MAP4K5: variants seen among roughly 807,000 people sequenced by gnomAD.
The protein encoded by MAP4K5 is MAPK/ERK kinase kinase kinase 5.
MAP4K5 carries 82 observed loss-of-function variants against 135.6 expected under a neutral mutation model. The ratio of observed to expected loss-of-function variants is 0.60; its 90% CI spans 0.51 to 0.73. The LOEUF is 0.73. Ranked by LOEUF, MAP4K5 falls within the 30% of genes least tolerant of loss-of-function variation. The probability of loss-of-function intolerance (pLI) is 0.00; values close to 1 mark genes in which losing one functional copy is unlikely to be tolerated. For synonymous variants in MAP4K5, 347 were observed against 335.0 expected (o/e 1.04, Z -0.39); for missense variants, 907 against 1,010.9 (o/e 0.90, Z 1.39).
chr14:50,446,148 G>T lies in MAP4K5; in HGVS notation c.1143-27C>A, dbSNP rs756611924. 15 of 1,494,790 alleles carry T rather than the reference G, an allele frequency of 1.0e-5. No individual in the cohort carries two copies. In the Middle Eastern group the frequency reaches 1.4e-3, roughly 144 times the overall value. The allele number at this position is 1,494,790 out of a possible 1,614,324, so 92.6% of individuals were successfully genotyped here. On this transcript the variant is annotated intron_variant, in intron 16 of 32. Transcript: ENST00000682126. ...TAATACAAAGAAGAAATGCAATTTA[G>T]ATGATGATAAATGACCGTAACCGAA... is the stretch of plus-strand genomic sequence containing the variant.
chr14:50,481,528 CATTA>C (rs1337843986), intron 6 of MAP4K5, among the ~76,000 whole-genome samples: 3 of 151,986 alleles, frequency 2.0e-5, no homozygotes, highest in Non-Finnish European at 4.4e-5. Context: ...GGGATAGAAG[CATTA>C]ATTAACAATT....
chr14:50,518,733 G>A (rs1053947624), intron 2 of MAP4K5, among the ~76,000 whole-genome samples: 6 of 152,090 alleles, frequency 3.9e-5, no homozygotes, highest in Non-Finnish European at 8.8e-5. Context: ...TCTCTGAAAA[G>A]GTTTCTCCCA....
At chr14:50,478,180 T>C (rs1445808875) in intron 6 of MAP4K5, among the ~76,000 whole-genome samples, 2 of 152,204 alleles carry the variant, frequency 1.3e-5, no homozygotes, top group South Asian at 2.1e-4. Flanking sequence ...ACTGCCCATT[T>C]TATTGGCATA....
chr14:50,423,127 G>T lies in MAP4K5; in HGVS notation c.2447C>A (p.Ser816Ter). ...AATACAACCAAACTATTACCTGTCT[G>T]ATCCTAATAAGCGGAAAACTCTTGT... is the stretch of plus-strand genomic sequence containing the variant. The part of the protein sequence containing the change: ...DETRVFRLLG[S>*]DRVVVLESRP... Residue 816 changes from serine to a stop codon, truncating the protein, a stop_gained, in exon 32 of 33, where the codon TCA becomes TAA. Coordinates refer to ENST00000682126, the MANE Select transcript of MAP4K5 (RefSeq NM_006575.6). LOFTEE classifies it high-confidence loss of function. The T allele has an allele frequency of 1.3e-6, 2 of 1,551,056 alleles. No homozygotes were observed. The highest frequency in any genetic ancestry group is 1.8e-6 in the Non-Finnish European group (2 of 1,129,304).
intron 1 of MAP4K5, chr14:50,560,009 G>A: frequency 1.8e-6 from 1 of 563,628 alleles, no homozygotes; most frequent in Admixed American, 3.0e-5. Context: ...TTCACGGTCT[G>A]GGGGTGGACT....
At chr14:50,485,472 G>A in intron 5 of MAP4K5, 106 bp downstream of exon 5, 1 of 710,554 alleles carries the variant, frequency 1.4e-6, no homozygotes. Flanking sequence ...ACAGAAGAAT[G>A]CAAAATAGTA....
intron 1 of MAP4K5, among the ~76,000 whole-genome samples, chr14:50,543,821 C>T (rs1315399189): frequency 6.6e-6 from 1 of 152,096 alleles, no homozygotes; most frequent in Non-Finnish European, 1.5e-5. Flanking sequence ...ACAACTTTGT[C>T]TCTATTATAT....
chr14:50,502,457 G>C (rs565635707), intron 3 of MAP4K5, among the ~76,000 whole-genome samples: 1 of 152,100 alleles, frequency 6.6e-6, no homozygotes, highest in Non-Finnish European at 1.5e-5. Flanking sequence ...AGGGAAAAAG[G>C]AAGCCATTCC....
chr14:50,542,667 CATT>C (rs2038580651), intron 1 of MAP4K5: 1 of 151,700 alleles, frequency 6.6e-6, no homozygotes, highest in African/African-American at 2.4e-5. Flanking sequence ...TTTTTCAACC[CATT>C]ATCTATAGGC....
intron 2 of MAP4K5, among the ~76,000 whole-genome samples, chr14:50,529,450 C>T (rs2038339293): frequency 6.6e-6 from 1 of 152,074 alleles, no homozygotes; most frequent in Non-Finnish European, 1.5e-5. Context: ...TAACTTAGTG[C>T]TATGATGTCA....
intron 2 of MAP4K5, among the ~76,000 whole-genome samples, chr14:50,518,402 A>C (rs2038077944): frequency 6.6e-6 from 1 of 151,858 alleles, no homozygotes; most frequent in Non-Finnish European, 1.5e-5. Flanking sequence ...CTCACCCCCC[A>C]CCACCAACAA....
intron 6 of MAP4K5, among the ~76,000 whole-genome samples, chr14:50,478,292 C>CT (rs1202372055): frequency 6.6e-6 from 1 of 151,710 alleles, no homozygotes. Context: ...TCTCTTTTTA[C>CT]TTTTTTTCCT....
At chr14:50,426,076 G>A in intron 30 of MAP4K5, 99 bp from the exon 31 acceptor site, 1 of 712,996 alleles carries the variant, frequency 1.4e-6, no homozygotes, top group Non-Finnish European at 2.3e-6. Context: ...CTATTCAAGT[G>A]TCTAGTGCAA....
chr14:50,494,971 ACTC>A (rs2037563586), intron 3 of MAP4K5, among the ~76,000 whole-genome samples: 3 of 152,152 alleles, frequency 2.0e-5, no homozygotes, highest in Admixed American at 2.0e-4. Context: ...AAATTATCAA[ACTC>A]CTAGAAGAAA....
intron 21 of MAP4K5, among the ~76,000 whole-genome samples, chr14:50,442,146 A>T (rs979676642): frequency 3.3e-5 from 5 of 149,646 alleles, no homozygotes; most frequent in African/African-American, 5.1e-5. Context: ...TCTACATTTT[A>T]AAAAAGTTAT....
intron 6 of MAP4K5, among the ~76,000 whole-genome samples, 199 bp downstream of exon 6, chr14:50,482,162 G>C (rs1000103052): frequency 6.6e-6 from 1 of 152,150 alleles, no homozygotes; most frequent in Non-Finnish European, 1.5e-5. Context: ...ATGAATTCAT[G>C]TGATTCATTC....
upstream of MAP4K5, among the ~76,000 whole-genome samples, chr14:50,536,011 A>T (rs1409911526): frequency 3.3e-5 from 5 of 152,256 alleles, no homozygotes; most frequent in Admixed American, 3.3e-4. Context: ...CGTGTGAGAC[A>T]TGACTTGCTC....
At chr14:50,434,680 T>C in intron 27 of MAP4K5, 109 bp from the exon 28 acceptor site, 1 of 987,728 alleles carries the variant, frequency 1.0e-6, no homozygotes, top group Non-Finnish European at 1.5e-6. Flanking sequence ...TTTATCTAGT[T>C]CTAAAAAGGA....
At chr14:50,487,337 A>G (rs1326927455) in intron 3 of MAP4K5, among the ~76,000 whole-genome samples, 1 of 150,114 alleles carries the variant, frequency 6.7e-6, no homozygotes, top group Non-Finnish European at 1.5e-5. Flanking sequence ...ACCCATACAT[A>G]CATTTAGTTT....
Sources: gnomAD v4.1 joint callset for allele counts (sites outside exome capture counted in the v4.1 genomes callset) on GRCh38, gnomAD v4.1.1 for gene constraint, MANE v1.5 for transcripts, NCBI Gene and HGNC (gene_info 2026-07-23, HGNC 2026-07-21) for gene names.